Variants in PHKB observed in about 807,000 individuals in gnomAD.
PHKB encodes the protein phosphorylase kinase regulatory subunit beta.
PHKB carries 122 observed loss-of-function variants against 152.1 expected under a neutral mutation model. That is an observed-to-expected ratio of 0.80 (90% CI 0.69 to 0.93). PHKB has a LOEUF of 0.93. Ranked by LOEUF, PHKB falls within the 40% of genes least tolerant of loss-of-function variation. The pLI, the probability that PHKB is intolerant of heterozygous loss-of-function variation, is 0.00. For missense variants in PHKB, 1,304 were observed against 1,328.4 expected (o/e 0.98, Z 0.29); for synonymous variants, 436 against 464.9 (o/e 0.94, Z 0.80).
At chr16:47,555,201 G>T (rs982947457) in intron 7 of PHKB, among the ~76,000 whole-genome samples, 3 of 152,166 alleles carry the variant, frequency 2.0e-5, no homozygotes, top group Non-Finnish European at 4.4e-5. Context: ...AACTATGATA[G>T]AAGCTACTGT....
Position 47,461,355 on chromosome 16 carries a change from C to T in PHKB, c.5C>T (p.Ala2Val), listed in dbSNP as rs965005343. 4.4e-6 allele frequency: 7 copies of T among 1,609,176 alleles called. No individual in the cohort carries two copies. The highest frequency in any genetic ancestry group is 4.0e-5 in the African/African-American group (3 of 74,824). The change falls in exon 1 of 31, where the codon GCG becomes GTG. Residue 2 changes from alanine (A) to valine (V), a missense_variant. Physicochemically the swap from Ala to Val is moderately conservative, Grantham distance 64 (BLOSUM62 0). Coordinates refer to ENST00000323584, the MANE Select transcript of PHKB (RefSeq NM_000293.3). ...CAAGGCGGCGACCGGAGCGCGATGG[C>T]GGGGGCGGCGGGACTCACGGCAGAA... M[A>V]GAAGLTAEVS...
At chr16:47,467,196 A>G (rs1969683886) in intron 1 of PHKB, among the ~76,000 whole-genome samples, 1 of 152,228 alleles carries the variant, frequency 6.6e-6, no homozygotes, top group Non-Finnish European at 1.5e-5. Context: ...CTTATATACA[A>G]CAAATATGAT....
At chr16:47,547,662 T>C in intron 7 of PHKB, 114 bp downstream of exon 7, 1 of 701,042 alleles carries the variant, frequency 1.4e-6, no homozygotes, top group Non-Finnish European at 2.5e-6. Context: ...TTTGTAGCAA[T>C]TTTTTTCTAC....
chr16:47,658,096 A>G (rs1340501551), intron 20 of PHKB, among the ~76,000 whole-genome samples: 4 of 152,166 alleles, frequency 2.6e-5, no homozygotes, highest in Non-Finnish European at 4.4e-5. Flanking sequence ...CAAATGGTCT[A>G]TGTGCTCTCC....
rs181881021 is a variant in PHKB at position 47,598,669 on chromosome 16, C to T, written c.1363+2138C>T. On this transcript the variant is annotated intron_variant, in intron 13 of 30. Transcript: ENST00000323584. ...ACTTAATAATTATATTGGCCATTTC[C>T]ACTGATCGGCAGGAGGCTCTTCCAC... The T allele has an allele frequency of 1.3e-3, 1,923 of 1,536,484 alleles. 3 individuals are homozygous for T. Among genetic ancestry groups the T allele is most frequent in the Non-Finnish European group, 1.6e-3 (1,810 of 1,112,150 alleles).
chr16:47,685,295 C>T (rs1010984765), intron 26 of PHKB, among the ~76,000 whole-genome samples: 1 of 152,088 alleles, frequency 6.6e-6, no homozygotes, highest in African/African-American at 2.4e-5. Context: ...TGTGGTGGCG[C>T]ACGCCTGTAA....
chr16:47,487,185 A>G (rs578046702), intron 1 of PHKB, among the ~76,000 whole-genome samples: 37 of 152,352 alleles, frequency 2.4e-4, no homozygotes, highest in African/African-American at 8.4e-4. Flanking sequence ...TTTAACTTCC[A>G]GTATCAGTAT....
In PHKB at chr16:47,689,228, A is replaced by G. The variant is rs1974018098; in HGVS notation, c.2765+53A>G. The G allele has an allele frequency of 1.0e-5, 16 of 1,570,706 alleles. No homozygotes were observed. The South Asian group carries it at 1.3e-4, about 13-fold the overall frequency. On this transcript the variant is annotated intron_variant, in intron 27 of 30. Coordinates refer to ENST00000323584, the MANE Select transcript of PHKB (RefSeq NM_000293.3). ...GATACTCTGGATTTACAATAACATC[A>G]TAATTTTTAGCTTGATATATCTATG...
chr16:47,504,651 T>C (rs1175019016), intron 4 of PHKB, among the ~76,000 whole-genome samples: 1 of 152,250 alleles, frequency 6.6e-6, no homozygotes, highest in Non-Finnish European at 1.5e-5. Flanking sequence ...GGACAAATTA[T>C]TTAATTTCCA....
chr16:47,621,176 CTT>C (rs909701400), intron 14 of PHKB, among the ~76,000 whole-genome samples: 1 of 152,146 alleles, frequency 6.6e-6, no homozygotes, highest in Non-Finnish European at 1.5e-5. Context: ...CCTTCCAGCG[CTT>C]CTGTTGCTGG....
At chr16:47,484,786 G>C (rs1970022085) in intron 1 of PHKB, among the ~76,000 whole-genome samples, 1 of 152,138 alleles carries the variant, frequency 6.6e-6, no homozygotes, top group African/African-American at 2.4e-5. Flanking sequence ...AAACTATCTT[G>C]TGCAATGCAT....
intron 6 of PHKB, among the ~76,000 whole-genome samples, chr16:47,526,748 G>C (rs960137315): frequency 6.6e-6 from 1 of 152,208 alleles, no homozygotes; most frequent in Admixed American, 6.5e-5. Context: ...GCATATAGCG[G>C]AAGTGTTATT....
chr16:47,587,799 T>A, intron 9 of PHKB, 36 bp downstream of exon 9: 1 of 1,379,116 alleles, frequency 7.3e-7, no homozygotes, highest in Non-Finnish European at 1.0e-6. Context: ...TAACATGAAC[T>A]ATTGTTTATG....
At chr16:47,524,124 A>C (rs1182336803) in intron 6 of PHKB, among the ~76,000 whole-genome samples, 1 of 152,136 alleles carries the variant, frequency 6.6e-6, no homozygotes, top group Non-Finnish European at 1.5e-5. Context: ...CTCTTGTTGA[A>C]TTTCCGGAGT....
At chr16:47,645,665 T>G (rs898356049) in intron 16 of PHKB, among the ~76,000 whole-genome samples, 29 of 151,918 alleles carry the variant, frequency 1.9e-4, no homozygotes, top group Non-Finnish European at 5.9e-5. Flanking sequence ...CCAGCTTTGT[T>G]CTTTTGGCTT....
At chr16:47,480,010 A>G (rs545418935) in intron 1 of PHKB, among the ~76,000 whole-genome samples, 2 of 152,294 alleles carry the variant, frequency 1.3e-5, no homozygotes, top group African/African-American at 2.4e-5. Flanking sequence ...TATAAACGTT[A>G]AAATTTCCAA....
intron 8 of PHKB, among the ~76,000 whole-genome samples, chr16:47,580,569 A>G (rs953263736): frequency 4.6e-5 from 7 of 151,540 alleles, no homozygotes; most frequent in African/African-American, 1.7e-4. Context: ...AAAAAAAAAA[A>G]AAAAAAGAAA....
chr16:47,679,213 A>C, intron 26 of PHKB, among the ~76,000 whole-genome samples: 1 of 152,170 alleles, frequency 6.6e-6, no homozygotes, highest in Admixed American at 6.5e-5. Flanking sequence ...TGATGCCTCC[A>C]GCTTTGTTCT....
intron 5 of PHKB, 145 bp downstream of exon 5, chr16:47,511,917 C>T (rs1970517319): frequency 1.0e-5 from 7 of 669,116 alleles, no homozygotes; most frequent in South Asian, 3.3e-5. Context: ...GGGATGAAAC[C>T]GTTCCATCTC....
Sources: gnomAD v4.1 joint callset for allele counts (sites outside exome capture counted in the v4.1 genomes callset) on GRCh38, gnomAD v4.1.1 for gene constraint, MANE v1.5 for transcripts, NCBI Gene and HGNC (gene_info 2026-07-23, HGNC 2026-07-21) for gene names.